The following NOS1AP variants were observed in gnomAD, a reference collection of about 807,000 sequenced individuals.
NOS1AP encodes the protein nitric oxide synthase 1 adaptor protein.
Under a neutral mutation model 56.2 loss-of-function variants are expected in NOS1AP, and 21 were observed. The ratio of observed to expected loss-of-function variants is 0.37; its 90% CI spans 0.26 to 0.54. NOS1AP has a LOEUF of 0.54. Among genes scored for constraint, NOS1AP ranks in the 20% least tolerant of loss-of-function variants. The probability of loss-of-function intolerance (pLI) is 0.84; values close to 1 mark genes in which losing one functional copy is unlikely to be tolerated. For synonymous variants in NOS1AP, 270 were observed against 274.6 expected (o/e 0.98, Z 0.17); for missense variants, 522 against 657.8 (o/e 0.79, Z 2.26).
intron 2 of NOS1AP, among the ~76,000 whole-genome samples, chr1:162,217,689 A>G (rs1259273869): frequency 6.6e-6 from 1 of 152,170 alleles, no homozygotes; most frequent in Non-Finnish European, 1.5e-5. Flanking sequence ...TAAAGGACAC[A>G]ACCTCCACTT....
At chr1:162,132,279 A>G (rs1022315645) in intron 1 of NOS1AP, among the ~76,000 whole-genome samples, 12 of 152,228 alleles carry the variant, frequency 7.9e-5, no homozygotes, top group African/African-American at 2.7e-4. Context: ...GGTGACGCAC[A>G]TTGGAGGAAA....
chr1:162,251,971 A>T (rs1653877246), intron 2 of NOS1AP, among the ~76,000 whole-genome samples: 1 of 140,124 alleles, frequency 7.1e-6, no homozygotes, highest in Admixed American at 8.0e-5. Flanking sequence ...TTGAGATTAT[A>T]GGTGTGAGCC....
chr1:162,179,456 T>C (rs1651176236), intron 2 of NOS1AP, among the ~76,000 whole-genome samples: 1 of 152,208 alleles, frequency 6.6e-6, no homozygotes. Flanking sequence ...CAGTCTGTTC[T>C]CTGGTACTGC....
At chr1:162,239,133 A>G (rs942665730) in intron 2 of NOS1AP, among the ~76,000 whole-genome samples, 6 of 152,212 alleles carry the variant, frequency 3.9e-5, no homozygotes, top group Admixed American at 6.5e-5. Context: ...TGAGTAATAG[A>G]CCAACTTTTA....
At chr1:162,135,661 A>C (rs982774340) in intron 1 of NOS1AP, among the ~76,000 whole-genome samples, 2 of 152,190 alleles carry the variant, frequency 1.3e-5, no homozygotes, top group African/African-American at 4.8e-5. Flanking sequence ...TCTGCCTTAA[A>C]GCATGAGGGT....
chr1:162,196,359 G>A (rs184577297), intron 2 of NOS1AP, among the ~76,000 whole-genome samples: 9 of 152,260 alleles, frequency 5.9e-5, no homozygotes, highest in East Asian at 3.9e-4. Flanking sequence ...TTGATACCAC[G>A]CTCTTTCTGT....
Position 162,367,334 on chromosome 1 carries a change from C to T in NOS1AP, c.1388C>T (p.Ala463Val). The stretch of plus-strand genomic sequence containing the variant: ...ATCAAGTTCCGAGAGTCAGGCATCG[C>T]CTCGGAGTACGAGTCCAACACGGAC... The part of the protein sequence containing the change: ...ELIKFRESGI[A>V]SEYESNTDES... Residue 463 changes from alanine to valine, a missense_variant, in exon 10 of 10, where the codon GCC becomes GTC. Around this residue, in one of 4 missense-constraint regions of NOS1AP, gnomAD observed 160 missense variants for 180.3 expected, o/e 0.89. Transcript: ENST00000361897. The surrounding 1 kb of genome is among the most constrained non-coding windows in gnomAD (Gnocchi z 6.5). 1 of 1,613,172 alleles carries T rather than the reference C, an allele frequency of 6.2e-7. No individual in the cohort carries two copies. The highest frequency in any genetic ancestry group is 2.2e-5 in the East Asian group (1 of 44,874).
chr1:162,072,368 G>T (rs919829527), intron 1 of NOS1AP, among the ~76,000 whole-genome samples: 1 of 152,134 alleles, frequency 6.6e-6, no homozygotes, highest in South Asian at 2.1e-4. Context: ...CCAATTTGCT[G>T]GATCTTACTC....
intron 5 of NOS1AP, chr1:162,342,632 C>T: frequency 2.0e-6 from 1 of 493,676 alleles, no homozygotes; most frequent in Non-Finnish European, 4.2e-6. Flanking sequence ...TTTATTACTA[C>T]CTTCAACAAG....
At chr1:162,209,789 G>A (rs1024016968) in intron 2 of NOS1AP, among the ~76,000 whole-genome samples, 1 of 151,908 alleles carries the variant, frequency 6.6e-6, no homozygotes, top group Non-Finnish European at 1.5e-5. Context: ...GCAAGGGCAG[G>A]GGGACTCTTC....
At chr1:162,213,400 C>T (rs1652437352) in intron 2 of NOS1AP, among the ~76,000 whole-genome samples, 1 of 152,148 alleles carries the variant, frequency 6.6e-6, no homozygotes, top group Admixed American at 6.5e-5. Context: ...AGGAGACTCT[C>T]CCACTGATCC....
intron 2 of NOS1AP, among the ~76,000 whole-genome samples, chr1:162,164,828 G>A (rs1650406407): frequency 6.6e-6 from 1 of 152,164 alleles, no homozygotes; most frequent in South Asian, 2.1e-4. Context: ...GGAAAGCCAT[G>A]GCAGCACACA....
At chr1:162,237,918 C>T (rs1234578202) in intron 2 of NOS1AP, among the ~76,000 whole-genome samples, 1 of 152,222 alleles carries the variant, frequency 6.6e-6, no homozygotes, top group South Asian at 2.1e-4. Context: ...TCTTGTCTGC[C>T]TCTGAGGGTG....
intron 2 of NOS1AP, among the ~76,000 whole-genome samples, chr1:162,182,232 T>A (rs951225974): frequency 6.6e-6 from 1 of 152,080 alleles, no homozygotes; most frequent in East Asian, 1.9e-4. Flanking sequence ...CTGTGCAGGG[T>A]ACTTTCATAC....
In NOS1AP at chr1:162,341,531, C is replaced by T. The variant is rs548183518; in HGVS notation, c.454-2304C>T. 7.9e-5 allele frequency among the ~76,000 whole-genome samples: 12 copies of T among 152,168 alleles called. No homozygotes were observed. In the East Asian group the frequency reaches 1.9e-3, roughly 24 times the overall value. ...TATTGTTACAACCTAAAACATTTACCTTTTTTACCTTTTGTAAAGATACCT... is the reference window on the plus strand; with the variant it reads ...TATTGTTACAACCTAAAACATTTACTTTTTTTACCTTTTGTAAAGATACCT... On this transcript the variant is annotated intron_variant, in intron 5 of 9. Transcript: ENST00000361897.
At chr1:162,105,579 G>A (rs1391677498) in intron 1 of NOS1AP, among the ~76,000 whole-genome samples, 1 of 152,208 alleles carries the variant, frequency 6.6e-6, no homozygotes, top group East Asian at 1.9e-4. Context: ...AGAGATCAGA[G>A]CTCTCTCTGT....
intron 2 of NOS1AP, among the ~76,000 whole-genome samples, chr1:162,209,474 T>C (rs1210554242): frequency 6.6e-6 from 1 of 152,118 alleles, no homozygotes; most frequent in Non-Finnish European, 1.5e-5. Context: ...TGAGGAGAGC[T>C]CAAATATAAC....
intron 3 of NOS1AP, among the ~76,000 whole-genome samples, chr1:162,300,361 C>T (rs554838089): frequency 2.0e-5 from 3 of 152,262 alleles, no homozygotes; most frequent in Admixed American, 6.5e-5. Context: ...CTTCACATTA[C>T]GTCCCCACTT....
At chr1:162,256,665 A>G (rs969662845) in intron 2 of NOS1AP, among the ~76,000 whole-genome samples, 2 of 152,198 alleles carry the variant, frequency 1.3e-5, no homozygotes, top group African/African-American at 4.8e-5. Flanking sequence ...AGATACACAC[A>G]CACAAATGCG....
Sources: gnomAD v4.1 joint callset for allele counts (sites outside exome capture counted in the v4.1 genomes callset) on GRCh38, gnomAD v4.1.1 for gene constraint, gnomAD v4.1.1 regional missense constraint, Gnocchi (gnomAD v3.1) non-coding constraint, MANE v1.5 for transcripts, NCBI Gene and HGNC (gene_info 2026-07-23, HGNC 2026-07-21) for gene names.